The following OBSL1 variants were observed in gnomAD, a reference collection of about 807,000 sequenced individuals.
OBSL1 encodes the protein obscurin-like protein 1.
In OBSL1, 160 loss-of-function variants were observed where a neutral mutation model predicts 172.0. The observed-to-expected ratio is 0.93, with a 90% CI of 0.82 to 1.06. OBSL1 has a LOEUF of 1.06. Ranked by LOEUF, OBSL1 falls within the 50% of genes least tolerant of loss-of-function variation. OBSL1 has a pLI of 0.00. For synonymous variants in OBSL1, 1,200 were observed against 1,196.3 expected, an observed-to-expected ratio of 1.00 and a Z score of -0.06; for missense variants, 2,681 against 2,715.4, an observed-to-expected ratio of 0.99 and a Z score of 0.28.
chr2:219,562,301 C>T, intron 8 of OBSL1, 101 bp downstream of exon 8: 5 of 1,439,908 alleles, frequency 3.5e-6, no homozygotes, highest in Non-Finnish European at 4.8e-6. Flanking sequence ...CTGCAGCCCA[C>T]ACCTCCCTCC....
At position 219,554,627 on chromosome 2, in the gene OBSL1, C is replaced by A; in HGVS notation, c.4723G>T (p.Gly1575Cys). The A allele has an allele frequency of 6.2e-7, 1 of 1,611,844 alleles. No homozygotes were observed. Among genetic ancestry groups the A allele is most frequent in the Non-Finnish European group, 8.5e-7 (1 of 1,179,106 alleles). The change falls in exon 15 of 21, where the codon GGT (glycine) becomes TGT (cysteine). Residue 1575 changes from glycine (G) to cysteine (C), a missense_variant. Gly to Cys is a radical substitution (Grantham distance 159). Around this residue, in one of 5 missense-constraint regions of OBSL1, gnomAD observed 1,765 missense variants for 1,748.3 expected, o/e 1.01. Transcript: ENST00000404537. ...GGTCCTGGATACAGCTGTACTCCACCCCGGGCCCACTCCCCGGTCACACCT... is the reference window on the plus strand; with the variant it reads ...GGTCCTGGATACAGCTGTACTCCACACCGGGCCCACTCCCCGGTCACACCT... ...QEGVTGEWARGGVQLYPGPKC... is the reference protein window; with the variant it reads ...QEGVTGEWARCGVQLYPGPKC...
At chr2:219,561,258 A>C (rs1157272418) in intron 8 of OBSL1, among the ~76,000 whole-genome samples, 3 of 152,124 alleles carry the variant, frequency 2.0e-5, no homozygotes, top group Admixed American at 2.0e-4. Context: ...CAGTGCAGCC[A>C]CTGGGGTTCT....
chr2:219,568,335 G>T lies in OBSL1; in HGVS notation c.1013-11C>A. On this transcript the variant is annotated splice_polypyrimidine_tract_variant and intron_variant, in intron 1 of 20. Transcript: ENST00000404537. The surrounding 1 kb of genome is among the most constrained non-coding windows in gnomAD (Gnocchi z 4.1). ...ACCGGAGGCGGGGCTCTGTGGAGAG[G>T]GGAGAGAGAGACAAGAGAGGGCTCT... 2 of 1,593,002 alleles carry T rather than the reference G, an allele frequency of 1.3e-6. No homozygotes were observed. Among genetic ancestry groups the T allele is most frequent in the Non-Finnish European group, 1.7e-6 (2 of 1,169,254 alleles).
chr2:219,549,631 T>C (rs1409349720), downstream of OBSL1: 19 of 1,576,054 alleles, frequency 1.2e-5, no homozygotes, highest in Non-Finnish European at 1.6e-5. Flanking sequence ...TCTATAGAAG[T>C]GTCAGGCTTG....
chr2:219,552,635 T>A lies in OBSL1; in HGVS notation c.5209A>T (p.Thr1737Ser), dbSNP rs772539285. The A allele has an allele frequency of 6.4e-7, 1 of 1,558,438 alleles. No homozygotes were observed. The highest frequency in any genetic ancestry group is 2.4e-5 in the East Asian group (1 of 42,448). The change falls in exon 18 of 21, where the codon ACG becomes TCG. Residue 1737 changes from threonine (T) to serine (S), a missense_variant. Physicochemically the swap from Thr to Ser is moderately conservative, Grantham distance 58. Transcript: ENST00000404537. The stretch of plus-strand genomic sequence containing the variant: ...ACCTCCGACACGGTGCACTCGAACG[T>A]AGCGCCGTCGCCTTCGCGGGCGCTC... Reference protein sequence around the residue: ...SVSAREGDGATFECTVSEVET... With the variant: ...SVSAREGDGASFECTVSEVET...
rs1312213051 is a variant in OBSL1 at position 219,557,311 on chromosome 2, C to G, written c.4066+32G>C. 2.8e-6 allele frequency: 4 copies of G among 1,439,438 alleles called. No individual in the cohort carries two copies. The East Asian group carries it at 7.6e-5, about 27-fold the overall frequency. 89.2% of individuals were successfully genotyped at this position (1,439,438 alleles called of 1,614,324 possible). On this transcript the variant is annotated intron_variant, in intron 12 of 20. Transcript: ENST00000404537. ...GTGGCAGATGGTCCTTGGGGTGCCA[C>G]AGCCCACAGGGTGTGAGGGGTACAC...
At position 219,551,413 on chromosome 2, in the gene OBSL1, G is replaced by A. The variant is rs1302586181; in HGVS notation, c.5683+116C>T. The A allele has an allele frequency of 6.9e-6, 9 of 1,304,458 alleles. No homozygotes were observed. In the South Asian group the frequency reaches 7.6e-5, roughly 11 times the overall value. 80.8% of individuals were successfully genotyped at this position (1,304,458 alleles called of 1,614,324 possible). The stretch of plus-strand genomic sequence containing the variant: ...CCCCTCCCCCATCCCCACCTCCTAC[G>A]TATCCCAGGACCCGTTGCCACCCCA... On this transcript the variant is annotated intron_variant, in intron 20 of 20. Transcript: ENST00000404537.
At position 219,562,611 on chromosome 2, in the gene OBSL1, C is replaced by A; in HGVS notation, c.2744G>T (p.Arg915Leu). The A allele has an allele frequency of 1.2e-6, 2 of 1,602,804 alleles. No individual in the cohort carries two copies. Among genetic ancestry groups the A allele is most frequent in the African/African-American group, 1.3e-5 (1 of 74,830 alleles). The stretch of plus-strand genomic sequence containing the variant: ...GCATAGCTCACAGGTCAGCACCACA[C>A]GCTCCAGGCGCACGGCTGCCACATA... ...KVYVAAVRLE[R>L]VVLTCELCRP... The change falls in exon 8 of 21, where the codon CGT (arginine) becomes CTT (leucine). Residue 915 changes from arginine to leucine, a missense_variant. Physicochemically the swap from Arg to Leu is moderately radical, Grantham distance 102. Around this residue, in one of 5 missense-constraint regions of OBSL1, gnomAD observed 1,765 missense variants for 1,748.3 expected, o/e 1.01. Transcript: ENST00000404537.
rs1279825051 is a variant in OBSL1, at chr2:219,551,640, T to C, written c.5572A>G (p.Ser1858Gly). ...ACCAGGCTGTGGGTGGGGCCGTGGCTGCGCATCTCATACTTATCTCCCGGG... is the reference window on the plus strand; with the variant it reads ...ACCAGGCTGTGGGTGGGGCCGTGGCCGCGCATCTCATACTTATCTCCCGGG... Reference protein sequence around the residue: ...LCPGDKYEMRSHGPTHSLVIH... With the variant: ...LCPGDKYEMRGHGPTHSLVIH... The change falls in exon 20 of 21, where the codon AGC becomes GGC. Residue 1858 changes from serine to glycine, a missense_variant. This residue lies in a region of OBSL1 where 1,765 missense variants were observed against 1,748.3 expected (regional missense o/e 1.01). Transcript: ENST00000404537. 1 of 1,611,828 alleles carries C rather than the reference T, an allele frequency of 6.2e-7. No individual in the cohort carries two copies. Among genetic ancestry groups the C allele is most frequent in the East Asian group, 2.2e-5 (1 of 44,810 alleles).
chr2:219,557,526 C>G lies in OBSL1; in HGVS notation c.3883G>C (p.Gly1295Arg). The change falls in exon 12 of 21, where the codon GGG (glycine) becomes CGG (arginine). Residue 1295 changes from glycine (G) to arginine (R), a missense_variant. This residue lies in a region of OBSL1 where 1,765 missense variants were observed against 1,748.3 expected (regional missense o/e 1.01). Coordinates refer to ENST00000404537, the MANE Select transcript of OBSL1 (RefSeq NM_015311.3). Reference protein sequence around the residue: ...GDLELVVHLSGPGGPVRWYKD... With the variant: ...GDLELVVHLSRPGGPVRWYKD... The stretch of plus-strand genomic sequence containing the variant: ...TACCAGCGTACAGGGCCCCCTGGCC[C>G]GGAGAGGTGCACCACCAGCTCTAGG... The G allele has an allele frequency of 6.4e-7, 1 of 1,552,746 alleles. No individual in the cohort carries two copies. Among genetic ancestry groups the G allele is most frequent in the South Asian group, 1.2e-5 (1 of 84,114 alleles).
rs1479080818 is a variant in OBSL1 at position 219,552,969 on chromosome 2, C to A, written c.5045G>T (p.Arg1682Leu). The change falls in exon 17 of 21, where the codon CGC becomes CTC. Residue 1682 changes from arginine (R) to leucine (L), a missense_variant. Arg to Leu is a moderately radical substitution (Grantham distance 102). Around this residue, in one of 5 missense-constraint regions of OBSL1, gnomAD observed 1,765 missense variants for 1,748.3 expected, o/e 1.01. Transcript: ENST00000404537. ...PRLRLQALGT[R>L]RLLQLRRCGP... is the part of the protein sequence containing the mutation. Reference sequence around the variant, plus strand: ...GCAGCGTCGCAGCTGGAGAAGGCGGCGCGTGCCGAGGGCCTGGAGCCGGAG... The same window carrying A: ...GCAGCGTCGCAGCTGGAGAAGGCGGAGCGTGCCGAGGGCCTGGAGCCGGAG... 4 of 1,531,428 alleles carry A rather than the reference C, an allele frequency of 2.6e-6. No homozygotes were observed. The highest frequency in any genetic ancestry group is 3.5e-6 in the Non-Finnish European group (4 of 1,143,318). 94.9% of individuals were successfully genotyped at this position (1,531,428 alleles called of 1,614,324 possible). A position where few individuals can be genotyped will look rare whatever the true frequency, so the allele number is the denominator to read the frequency against.
chr2:219,563,613 T>C lies in OBSL1; in HGVS notation c.2422A>G (p.Ile808Val). The change falls in exon 7 of 21, where the codon ATC (isoleucine) becomes GTC (valine). Residue 808 changes from isoleucine to valine, a missense_variant. Ile to Val is a conservative substitution (Grantham distance 29). Around this residue, in one of 5 missense-constraint regions of OBSL1, gnomAD observed 1,765 missense variants for 1,748.3 expected, o/e 1.01. Transcript: ENST00000404537. The stretch of plus-strand genomic sequence containing the variant: ...AACACATGTTCTCGGGGGTCCACGA[T>C]GTGCACGGGAGGATCTGGGTGGGAA... The part of the protein sequence containing the change: ...GVTVQDPPVH[I>V]VDPREHVFVH... 1 of 1,611,618 alleles carries C rather than the reference T, an allele frequency of 6.2e-7. No individual in the cohort carries two copies. Among genetic ancestry groups the C allele is most frequent in the South Asian group, 1.1e-5 (1 of 90,948 alleles).
intron 12 of OBSL1, chr2:219,556,988 A>C: frequency 2.0e-6 from 1 of 510,994 alleles, no homozygotes; most frequent in Non-Finnish European, 3.4e-6. Context: ...TATTTACAGC[A>C]TTTACTTGTC....
chr2:219,551,901 C>T (rs1695638271), intron 19 of OBSL1, 103 bp from the exon 20 acceptor site: 1 of 866,908 alleles, frequency 1.2e-6, no homozygotes, highest in Admixed American at 2.3e-5. Context: ...GGCCTTAGCC[C>T]TCTATGCCAC....
rs12623922 is a variant in OBSL1, at chr2:219,568,391, T to C, written c.1013-67A>G. 0.24 allele frequency: 339,567 copies of C among 1,436,352 alleles called. 41,978 individuals are homozygous for C. The highest frequency in any genetic ancestry group is 0.3 in the South Asian group (22,392 of 75,030). The allele number at this position is 1,436,352 out of a possible 1,614,324, so 89.0% of individuals were successfully genotyped here. On this transcript the variant is annotated intron_variant, in intron 1 of 20. Coordinates refer to ENST00000404537, the MANE Select transcript of OBSL1 (RefSeq NM_015311.3). The surrounding 1 kb of genome is among the most constrained non-coding windows in gnomAD (Gnocchi z 4.1). ...AGGCCCAGACTAGGAGTAGGATACC[T>C]AGAAGCGCATTAGCTCATGCTGTGT...
intron 6 of OBSL1, among the ~76,000 whole-genome samples, chr2:219,563,855 A>G (rs2106075921): frequency 1.3e-5 from 2 of 152,336 alleles, no homozygotes; most frequent in South Asian, 4.1e-4. Flanking sequence ...CCAAAGGATC[A>G]GAGGTGGCGG....
chr2:219,558,260 G>C lies in OBSL1; in HGVS notation c.3426C>G (p.His1142Gln). The C allele has an allele frequency of 1.2e-6, 2 of 1,610,714 alleles. No individual in the cohort carries two copies. The highest frequency in any genetic ancestry group is 1.7e-6 in the Non-Finnish European group (2 of 1,178,582). The change falls in exon 10 of 21, where the codon CAC becomes CAG. Residue 1142 changes from histidine to glutamine, a missense_variant. Coordinates refer to ENST00000404537, the MANE Select transcript of OBSL1 (RefSeq NM_015311.3). The stretch of plus-strand genomic sequence containing the variant: ...ACTCCCCGGCGTCCTCAGGCTGGGC[G>C]TGGGGCAGGGTCAGGGTGCGGGTGG... ...EGPTRTLTLP[H>Q]AQPEDAGEYV...
intron 15 of OBSL1, among the ~76,000 whole-genome samples, 164 bp from the exon 16 acceptor site, chr2:219,553,850 T>TG (rs1452870250): frequency 2.2e-5 from 1 of 44,882 alleles, no homozygotes; most frequent in Admixed American, 2.5e-4. Flanking sequence ...GTGGTGGGGG[T>TG]GGGGGGGATG....
At chr2:219,549,495 C>G, downstream of OBSL1, 1 of 1,270,856 alleles carries the variant, frequency 7.9e-7, no homozygotes, top group Non-Finnish European at 1.1e-6. Context: ...CATCGGAGCC[C>G]ATGCACCAGG....
Sources: allele counts gnomAD v4.1 joint callset (sites outside exome capture counted in the v4.1 genomes callset), GRCh38; gene constraint gnomAD v4.1.1; regional missense constraint gnomAD v4.1.1; non-coding constraint Gnocchi (gnomAD v3.1); transcripts MANE v1.5; gene names NCBI Gene and HGNC (gene_info 2026-07-23, HGNC 2026-07-21).